FLI1: variants seen among roughly 807,000 people sequenced by gnomAD.
FLI1 encodes the protein Fli-1 proto-oncogene, ETS transcription factor, also known as Friend leukemia integration 1 transcription factor.
FLI1 carries 13 observed loss-of-function variants against 53.1 expected under a neutral mutation model. The observed-to-expected ratio is 0.24, with a 90% CI of 0.16 to 0.39. The LOEUF is 0.39. Ranked by LOEUF, FLI1 falls within the 10% of genes least tolerant of loss-of-function variation. FLI1 has a pLI of 1.00. For synonymous variants in FLI1, 244 were observed against 236.7 expected (o/e 1.03, Z -0.28); for missense variants, 424 against 600.5 (o/e 0.71, Z 3.07).
At chr11:128,772,701 A>C in intron 3 of FLI1, 81 bp from the exon 4 acceptor site, 1 of 1,052,670 alleles carries the variant, frequency 9.5e-7, no homozygotes, top group Non-Finnish European at 1.5e-6. Flanking sequence ...AAGAGGGACA[A>C]GGGGTGAGGG....
At chr11:128,741,823 T>C (rs1048776438) in intron 1 of FLI1, among the ~76,000 whole-genome samples, 7 of 152,182 alleles carry the variant, frequency 4.6e-5, no homozygotes, top group Non-Finnish European at 7.4e-5. Context: ...TTCTGCCACC[T>C]TCTCCTGAGG....
intron 4 of FLI1, 22 bp from the exon 5 acceptor site, chr11:128,781,936 C>A (rs372927906): frequency 1.2e-6 from 2 of 1,604,486 alleles, no homozygotes; most frequent in Non-Finnish European, 1.7e-6. Context: ...TGGTTATAAC[C>A]TGTTTATGTT....
chr11:128,774,113 C>T (rs1251711269), intron 4 of FLI1, among the ~76,000 whole-genome samples: 1 of 152,146 alleles, frequency 6.6e-6, no homozygotes, highest in African/African-American at 2.4e-5. Context: ...GGACCTTTAA[C>T]TCCCCATCTT....
Position 128,782,117 on chromosome 11 carries a change from G to T in FLI1, c.655+94G>T, listed in dbSNP as rs639336. On this transcript the variant is annotated intron_variant, in intron 5 of 8. Transcript: ENST00000527786. ...AGGTTGTTGCAGAAAACCAGCTTGC[G>T]TGTTCCACTCAACTTTTCCTAGCAT... 1,145,884 of 1,151,052 alleles carry T rather than the reference G, an allele frequency of 1. 570,376 individuals are homozygous for T. Among genetic ancestry groups the T allele is most frequent in the East Asian group, 1 (42,504 of 42,504 alleles). The allele number at this position is 1,151,052 out of a possible 1,614,324, so 71.3% of individuals were successfully genotyped here. A position where few individuals can be genotyped will look rare whatever the true frequency, so the allele number is the denominator to read the frequency against.
chr11:128,767,385 A>G (rs1941383157), intron 2 of FLI1, among the ~76,000 whole-genome samples: 1 of 152,138 alleles, frequency 6.6e-6, no homozygotes, highest in Non-Finnish European at 1.5e-5. Flanking sequence ...TTGATAGTGA[A>G]GCTTAACACA....
intron 3 of FLI1, 27 bp downstream of exon 3, chr11:128,768,299 C>T (rs530328798): frequency 2.6e-5 from 42 of 1,592,474 alleles, no homozygotes; most frequent in East Asian, 1.8e-4. Flanking sequence ...GCTGCCTGGG[C>T]GCCATTCACT....
At chr11:128,685,840 G>A (rs1865791756), upstream of FLI1, among the ~76,000 whole-genome samples, 1 of 152,002 alleles carries the variant, frequency 6.6e-6, no homozygotes, top group East Asian at 1.9e-4. Context: ...GGAAGGAAAG[G>A]AAGAGGAGAG....
rs537640866 is a variant in FLI1, at chr11:128,714,064, T to A, written c.18+19788T>A. 8.7e-4 allele frequency among the ~76,000 whole-genome samples: 133 copies of A among 152,272 alleles called. 1 individual carries two copies. The highest frequency in any genetic ancestry group is 3.4e-3 in the Middle Eastern group (1 of 294). On this transcript the variant is annotated intron_variant, in intron 1 of 8. Coordinates refer to ENST00000527786, the MANE Select transcript of FLI1 (RefSeq NM_002017.5). The stretch of plus-strand genomic sequence containing the variant: ...TTTTACTGAGTGCATAGAGTACATA[T>A]CTATAGGTTAATATGCCTTTACTAT...
intron 2 of FLI1, among the ~76,000 whole-genome samples, chr11:128,762,682 G>A (rs60757545): frequency 6.6e-6 from 1 of 152,220 alleles, no homozygotes; most frequent in Non-Finnish European, 1.5e-5. Context: ...GCTCGGCCAG[G>A]TGTGGTGGCT....
chr11:128,712,693 C>T (rs1268170519), intron 1 of FLI1, among the ~76,000 whole-genome samples: 2 of 152,136 alleles, frequency 1.3e-5, no homozygotes. Flanking sequence ...ATGAGAACAG[C>T]ACAGGAAAGA....
intron 1 of FLI1, among the ~76,000 whole-genome samples, chr11:128,707,704 G>C (rs1160135127): frequency 6.6e-6 from 1 of 152,202 alleles, no homozygotes; most frequent in Non-Finnish European, 1.5e-5. Flanking sequence ...TGACAGGGCA[G>C]TAGGACTGGG....
upstream of FLI1, chr11:128,686,258 G>C (rs775847827): frequency 6.7e-6 from 3 of 444,792 alleles, no homozygotes; most frequent in South Asian, 3.2e-5. Context: ...TCCTCAACAC[G>C]CACCAAGAAC....
intron 1 of FLI1, among the ~76,000 whole-genome samples, chr11:128,731,756 A>G (rs767435213): frequency 1.3e-5 from 2 of 152,218 alleles, no homozygotes; most frequent in African/African-American, 2.4e-5. Flanking sequence ...GTAATCCAGC[A>G]CTTTGGGAGG....
At chr11:128,741,874 G>A (rs754829324) in intron 1 of FLI1, among the ~76,000 whole-genome samples, 2 of 152,158 alleles carry the variant, frequency 1.3e-5, no homozygotes, top group East Asian at 1.9e-4. Flanking sequence ...GATGCTGAGT[G>A]GGGGAGGCTG....
At chr11:128,799,536 A>C (rs189015439) in intron 5 of FLI1, among the ~76,000 whole-genome samples, 3 of 152,298 alleles carry the variant, frequency 2.0e-5, no homozygotes, top group East Asian at 1.9e-4. Flanking sequence ...GACCAAGGTC[A>C]CTCCACAAGG....
At chr11:128,693,941 C>CGAGAGAGA (rs57930585), upstream of FLI1, 643 of 176,358 alleles carry the variant, frequency 3.6e-3, 15 homozygotes, top group African/African-American at 5.8e-3. Context: ...GAGCTCGAGG[C>CGAGAGAGA]GAGAGAGAGA....
chr11:128,758,391 G>T, intron 2 of FLI1, 65 bp downstream of exon 2: 1 of 1,387,712 alleles, frequency 7.2e-7, no homozygotes, highest in Non-Finnish European at 1.0e-6. Flanking sequence ...GCAGCAAGTG[G>T]CTTCTGGCAC....
chr11:128,770,780 G>A (rs1042341799), intron 3 of FLI1, among the ~76,000 whole-genome samples: 2 of 152,212 alleles, frequency 1.3e-5, no homozygotes, highest in African/African-American at 4.8e-5. Flanking sequence ...TGTTTCTCTA[G>A]AATTCTGAAA....
chr11:128,705,527 A>T (rs1344114004), intron 1 of FLI1, among the ~76,000 whole-genome samples: 1 of 152,048 alleles, frequency 6.6e-6, no homozygotes, highest in Non-Finnish European at 1.5e-5. Flanking sequence ...ACTATACACA[A>T]TTTTTTTTAA....
Sources: gnomAD v4.1 joint callset for allele counts (sites outside exome capture counted in the v4.1 genomes callset) on GRCh38, gnomAD v4.1.1 for gene constraint, MANE v1.5 for transcripts, NCBI Gene and HGNC (gene_info 2026-07-23, HGNC 2026-07-21) for gene names.